Variants in MTARC2 observed in about 807,000 individuals in gnomAD.
MTARC2 encodes MOCO sulphurase C-terminal domain containing 2.
A neutral mutation model predicts 35.6 loss-of-function variants in MTARC2; 27 were observed. The observed-to-expected ratio is 0.76, with a 90% confidence interval of 0.56 to 1.04. MTARC2 has a LOEUF of 1.04. Among genes scored for constraint, MTARC2 ranks in the 50% least tolerant of loss-of-function variants. MTARC2 has a pLI of 0.00. For synonymous variants in MTARC2, 158 were observed against 167.1 expected, an observed-to-expected ratio of 0.95 and a Z score of 0.42; for missense variants, 412 against 432.5, an observed-to-expected ratio of 0.95 and a Z score of 0.42.
chr1:220,783,061 C>T (rs1256285477), intron 7 of MTARC2, among the ~76,000 whole-genome samples: 1 of 152,198 alleles, frequency 6.6e-6, no homozygotes, highest in Non-Finnish European at 1.5e-5. Context: ...AAAGGAGCTA[C>T]ACTTCTATTG....
chr1:220,761,882 C>T (rs1671447688), intron 3 of MTARC2, 62 bp downstream of exon 3: 7 of 1,490,396 alleles, frequency 4.7e-6, no homozygotes, highest in Admixed American at 2.2e-5. Context: ...TGGCTTCCTT[C>T]CCAGTTGATA....
intron 4 of MTARC2, among the ~76,000 whole-genome samples, chr1:220,771,794 C>T (rs1250930251): frequency 3.3e-5 from 5 of 152,028 alleles, no homozygotes; most frequent in Admixed American, 2.6e-4. Context: ...AGGACAAATA[C>T]CTAATGCACG....
intron 4 of MTARC2, chr1:220,770,369 G>A (rs1245853238): frequency 1.0e-6 from 1 of 985,170 alleles, no homozygotes; most frequent in Admixed American, 6.2e-5. Context: ...TTCTAAATAT[G>A]TTACATTTCA....
At chr1:220,751,480 A>G (rs1004568341) in intron 1 of MTARC2, among the ~76,000 whole-genome samples, 3 of 152,122 alleles carry the variant, frequency 2.0e-5, no homozygotes, top group Non-Finnish European at 4.4e-5. Flanking sequence ...TGCACAAATG[A>G]TGAACTGTTG....
At chr1:220,760,584 G>T (rs337140) in intron 2 of MTARC2, among the ~76,000 whole-genome samples, 1 of 152,052 alleles carries the variant, frequency 6.6e-6, no homozygotes, top group Non-Finnish European at 1.5e-5. Context: ...TTAAGCATTT[G>T]ATTTCAAATA....
At position 220,759,379 on chromosome 1, in the gene MTARC2, A is replaced by T. The variant is rs150809808; in HGVS notation, c.447-2279A>T. ...GACATTTTGTGTCAAAATGTAGAAG[A>T]GAGTGGACTTTGCAGAAAATTCTGC... On this transcript the variant is annotated intron_variant, in intron 2 of 7. Coordinates refer to ENST00000366913, the MANE Select transcript of MTARC2 (RefSeq NM_017898.5). Among the ~76,000 whole-genome samples the T allele has an allele frequency of 1.4e-3, 208 of 152,318 alleles. 2 individuals carry two copies. Among genetic ancestry groups the T allele is most frequent in the African/African-American group, 4.9e-3 (204 of 41,580 alleles).
chr1:220,774,586 G>A (rs991843791), intron 4 of MTARC2, among the ~76,000 whole-genome samples: 3 of 152,228 alleles, frequency 2.0e-5, no homozygotes, highest in Non-Finnish European at 2.9e-5. Flanking sequence ...TTAAGCAGAT[G>A]AAGGGGCTGG....
Position 220,769,934 on chromosome 1 carries a change from C to CAAAAAAAAAAAAAAA in MTARC2, c.750+6893_750+6907dup, listed in dbSNP as rs57739324. Among the ~76,000 whole-genome samples, 49 of 63,400 alleles carry CAAAAAAAAAAAAAAA rather than the reference C, an allele frequency of 7.7e-4. 2 individuals carry two copies. The highest frequency in any genetic ancestry group is 2.1e-3 in the East Asian group (3 of 1,450). The allele number at this position is 63,400 out of a possible 152,430, so 41.6% of individuals were successfully genotyped here. ...TGAAACTCCATCTCTACTAAAAATACAAAAAAAAAAAAAAAAAAAAAAATT... is the reference window on the plus strand; with the variant it reads ...TGAAACTCCATCTCTACTAAAAATACAAAAAAAAAAAAAAAAAAAAAAAAAAAAAAAAAAAAAATT... On this transcript the variant is annotated intron_variant, in intron 4 of 7. Transcript: ENST00000366913.
intron 4 of MTARC2, among the ~76,000 whole-genome samples, chr1:220,778,466 A>AC: frequency 6.6e-6 from 1 of 152,070 alleles, no homozygotes; most frequent in South Asian, 2.1e-4. Context: ...TCTCGCAAGA[A>AC]CTCACCCACT....
chr1:220,753,420 G>A (rs1273073047), intron 1 of MTARC2, among the ~76,000 whole-genome samples: 1 of 152,194 alleles, frequency 6.6e-6, no homozygotes, highest in Non-Finnish European at 1.5e-5. Context: ...TTCTGGTGTG[G>A]TTGCGGGGAA....
At chr1:220,771,366 A>AGT (rs1326213394) in intron 4 of MTARC2, among the ~76,000 whole-genome samples, 1 of 151,208 alleles carries the variant, frequency 6.6e-6, no homozygotes. Context: ...TCCAGGTCCA[A>AGT]GTGTCCCAAA....
At chr1:220,771,978 G>T (rs1223394669) in intron 4 of MTARC2, among the ~76,000 whole-genome samples, 1 of 152,132 alleles carries the variant, frequency 6.6e-6, no homozygotes, top group Non-Finnish European at 1.5e-5. Flanking sequence ...ACATTTTGTT[G>T]TGTTTCCAGT....
chr1:220,774,604 G>A (rs913396859), intron 4 of MTARC2, among the ~76,000 whole-genome samples: 3,613 of 152,310 alleles, frequency 0.024, 109 homozygotes, highest in African/African-American at 0.064. Flanking sequence ...TGGGATGGTG[G>A]TGGCAGGAGG....
At chr1:220,756,095 C>G (rs964156898) in intron 2 of MTARC2, among the ~76,000 whole-genome samples, 21 of 152,160 alleles carry the variant, frequency 1.4e-4, no homozygotes, top group African/African-American at 4.8e-4. Context: ...CCACTTCTGG[C>G]CAAAGACACA....
At chr1:220,756,990 C>A (rs572427114) in intron 2 of MTARC2, among the ~76,000 whole-genome samples, 2 of 152,272 alleles carry the variant, frequency 1.3e-5, no homozygotes, top group African/African-American at 4.8e-5. Context: ...GCAACCTCCA[C>A]CTCCCAGGTT....
At position 220,761,776 on chromosome 1, in the gene MTARC2, A is replaced by C; in HGVS notation, c.565A>C (p.Arg189=). 3 of 1,613,226 alleles carry C rather than the reference A, an allele frequency of 1.9e-6. 1 individual carries two copies. In the African/African-American group the frequency reaches 4.0e-5, roughly 22 times the overall value. ...TCAATTTGAGACAAACATGAAGGGAAGAACATCAAGAAAACTTCTCCCCAC... is the reference window on the plus strand; with the variant it reads ...TCAATTTGAGACAAACATGAAGGGACGAACATCAAGAAAACTTCTCCCCAC... ...LVQFETNMKG[R]TSRKLLPTLD... The change falls in exon 3 of 8, where the codon AGA becomes CGA. Residue 189 remains arginine (R), a synonymous_variant. Transcript: ENST00000366913.
chr1:220,770,594 T>G (rs1671716498), intron 4 of MTARC2: 1 of 980,672 alleles, frequency 1.0e-6, no homozygotes, highest in Non-Finnish European at 1.2e-6. Flanking sequence ...TGACCCCCCA[T>G]ACCTTTCTCT....
chr1:220,774,618 A>G (rs796847810), intron 4 of MTARC2, among the ~76,000 whole-genome samples: 3,608 of 152,266 alleles, frequency 0.024, 109 homozygotes, highest in African/African-American at 0.064. Context: ...CAGGAGGCTC[A>G]AGGAACAGAA....
intron 2 of MTARC2, 115 bp from the exon 3 acceptor site, chr1:220,761,543 C>T: frequency 9.8e-7 from 1 of 1,023,028 alleles, no homozygotes; most frequent in Non-Finnish European, 1.4e-6. Flanking sequence ...CCAGGGACCA[C>T]TTAACAGCCC....
Sources: allele counts gnomAD v4.1 joint callset (sites outside exome capture counted in the v4.1 genomes callset), GRCh38; gene constraint gnomAD v4.1.1; transcripts MANE v1.5; gene names NCBI Gene and HGNC (gene_info 2026-07-23, HGNC 2026-07-21).